Variants in AEN observed in about 807,000 individuals in gnomAD.
The protein encoded by AEN is apoptosis enhancing nuclease.
In AEN, 21 loss-of-function variants were observed where a neutral mutation model predicts 17.7. The ratio of observed to expected loss-of-function variants is 1.19; its 90% CI spans 0.84 to 1.71. The LOEUF (loss-of-function observed/expected upper bound fraction) is 1.71, where lower values mean the gene tolerates loss of function less well. Ranked by LOEUF, AEN falls within the 40% of genes most tolerant of loss-of-function variation. AEN has a pLI of 0.00. For missense variants in AEN, 462 were observed against 435.9 expected, an observed-to-expected ratio of 1.06 and a Z score of -0.53; for synonymous variants, 190 against 173.0, an observed-to-expected ratio of 1.10 and a Z score of -0.77.
At chr15:88,608,425 T>C in the AEN span, among the ~76,000 whole-genome samples, 1 of 152,200 alleles carries the variant, frequency 6.6e-6, no homozygotes, top group Admixed American at 6.5e-5. Flanking sequence ...GGAGATACTG[T>C]GATCATCTTT....
upstream of AEN, among the ~76,000 whole-genome samples, chr15:88,619,375 G>A (rs141466744): frequency 2.2e-3 from 342 of 152,262 alleles, 2 homozygotes; most frequent in African/African-American, 7.8e-3. Context: ...GGAAGCAGAG[G>A]ATCTGGATAT....
At chr15:88,617,549 G>A (rs113804188), upstream of AEN, among the ~76,000 whole-genome samples, 1,374 of 152,224 alleles carry the variant, frequency 9.0e-3, 20 homozygotes, top group South Asian at 0.026. Flanking sequence ...CACAGCGCCC[G>A]GCCTTCATTT....
chr15:88,605,746 T>C, the AEN span, among the ~76,000 whole-genome samples: 1 of 151,672 alleles, frequency 6.6e-6, no homozygotes, highest in South Asian at 2.1e-4. This position sits in a 1 kb window ranked among gnomAD's most constrained non-coding sequence, Gnocchi z 7.6. Context: ...CCGCTTGGAG[T>C]CGGCTCAGAA....
chr15:88,606,549 G>GA, the AEN span, among the ~76,000 whole-genome samples: 1 of 117,956 alleles, frequency 8.5e-6, no homozygotes, highest in East Asian at 3.0e-4. Flanking sequence ...GAAAGGACTT[G>GA]GCACTAGCAT....
chr15:88,625,393 C>T (rs967329697), intron 1 of AEN, among the ~76,000 whole-genome samples: 10 of 152,080 alleles, frequency 6.6e-5, no homozygotes, highest in South Asian at 6.2e-4. Flanking sequence ...TTGTGTGTAC[C>T]TGTAGTCCCA....
rs757651205 is a variant in AEN at position 88,630,303 on chromosome 15, C to G, written c.*9C>G. ...AGGACAGAAGGAATTGAGAAGGGGG[C>G]GGGGCTCCCTGGCTGGGCTTCCGGT... On this transcript the variant is annotated 3_prime_UTR_variant, in exon 4 of 4. Coordinates refer to ENST00000332810, the MANE Select transcript of AEN (RefSeq NM_022767.4). The surrounding 1 kb of genome is among the most constrained non-coding windows in gnomAD (Gnocchi z 5.1). The G allele has an allele frequency of 3.8e-6, 6 of 1,566,512 alleles. No individual in the cohort carries two copies. Among genetic ancestry groups the G allele is most frequent in the Non-Finnish European group, 5.2e-6 (6 of 1,155,912 alleles).
At chr15:88,613,597 G>C in the AEN span, among the ~76,000 whole-genome samples, 149 of 150,708 alleles carry the variant, frequency 9.9e-4, no homozygotes, top group African/African-American at 3.4e-3. Context: ...GGGGGGGGAT[G>C]TGGGGTGCAT....
the AEN span, among the ~76,000 whole-genome samples, chr15:88,611,016 G>T: frequency 6.6e-6 from 1 of 152,122 alleles, no homozygotes; most frequent in Non-Finnish European, 1.5e-5. Context: ...CCAGCCTCCT[G>T]TCCACAACCA....
At chr15:88,619,703 C>A (rs1213113289), upstream of AEN, among the ~76,000 whole-genome samples, 1 of 151,852 alleles carries the variant, frequency 6.6e-6, no homozygotes, top group South Asian at 2.1e-4. Flanking sequence ...CAAAAACAAA[C>A]AAAACAAAAA....
chr15:88,624,753 G>A (rs972332344), intron 1 of AEN, among the ~76,000 whole-genome samples: 4 of 152,128 alleles, frequency 2.6e-5, no homozygotes, highest in African/African-American at 9.7e-5. Flanking sequence ...GCGTGGTGGT[G>A]CATGCCTGTA....
At chr15:88,612,026 A>C in the AEN span, 1 of 415,388 alleles carries the variant, frequency 2.4e-6, no homozygotes, top group Admixed American at 3.4e-5. Context: ...AAAACATCTC[A>C]GGTCACCACC....
the AEN span, among the ~76,000 whole-genome samples, chr15:88,609,505 A>C: frequency 6.6e-6 from 1 of 152,144 alleles, no homozygotes; most frequent in Non-Finnish European, 1.5e-5. Flanking sequence ...CCCATCATCC[A>C]TTACTGTCAT....
chr15:88,624,605 C>G (rs762196902), intron 1 of AEN, among the ~76,000 whole-genome samples: 18 of 152,100 alleles, frequency 1.2e-4, no homozygotes, highest in African/African-American at 4.3e-4. Flanking sequence ...TGAGTTAGGC[C>G]GAATATGGTG....
At chr15:88,609,099 A>G in the AEN span, among the ~76,000 whole-genome samples, 2 of 152,070 alleles carry the variant, frequency 1.3e-5, no homozygotes, top group South Asian at 4.1e-4. Context: ...GGTTCTTGGC[A>G]GGAGGGGATA....
chr15:88,621,163 C>G (rs1028440858), upstream of AEN: 1 of 152,450 alleles, frequency 6.6e-6, no homozygotes, highest in East Asian at 1.9e-4. Context: ...ATGGCCGGCT[C>G]GCAGCACGAG....
the AEN span, among the ~76,000 whole-genome samples, chr15:88,606,545 A>G: frequency 1.8e-5 from 2 of 113,412 alleles, no homozygotes; most frequent in Non-Finnish European, 3.6e-5. Context: ...AAGGGAAAGG[A>G]CTTGGCACTA....
the AEN span, among the ~76,000 whole-genome samples, chr15:88,605,581 C>T: frequency 6.6e-6 from 1 of 152,228 alleles, no homozygotes; most frequent in African/African-American, 2.4e-5. The surrounding 1 kb of genome is among the most constrained non-coding windows in gnomAD (Gnocchi z 7.6). Context: ...CTACCCACCG[C>T]AATTGCAGCA....
intron 1 of AEN, among the ~76,000 whole-genome samples, chr15:88,624,666 C>A (rs547465300): frequency 1.4e-4 from 22 of 152,276 alleles, no homozygotes; most frequent in African/African-American, 4.3e-4. Flanking sequence ...GGTGGATCAC[C>A]TGAGGTCAGG....
the AEN span, chr15:88,611,805 G>A: frequency 6.2e-6 from 3 of 484,640 alleles, no homozygotes; most frequent in Non-Finnish European, 1.2e-5. Flanking sequence ...GGTGGTCCTC[G>A]AACGCCTTGC....
Sources: allele counts gnomAD v4.1 joint callset (sites outside exome capture counted in the v4.1 genomes callset), GRCh38; gene constraint gnomAD v4.1.1; non-coding constraint Gnocchi (gnomAD v3.1); transcripts MANE v1.5; gene names NCBI Gene and HGNC (gene_info 2026-07-23, HGNC 2026-07-21).